Variants in CASP2 observed in about 807,000 individuals in gnomAD.
CASP2 encodes the protein caspase-2.
Under a neutral mutation model 54.4 loss-of-function variants are expected in CASP2, and 38 were observed. The observed-to-expected ratio is 0.70, with a 90% confidence interval of 0.54 to 0.92. The LOEUF is 0.92. CASP2 is among the 40% of genes least tolerant of loss of function. The pLI is 0.00. For missense variants in CASP2, 512 were observed against 579.6 expected, an observed-to-expected ratio of 0.88 and a Z score of 1.20; for synonymous variants, 215 against 216.3, an observed-to-expected ratio of 0.99 and a Z score of 0.05.
At chr7:143,300,860 C>T in intron 8 of CASP2, 1 of 1,131,626 alleles carries the variant, frequency 8.8e-7, no homozygotes, top group South Asian at 2.0e-5. Context: ...GCCCCTCTTT[C>T]TCTCATGCAG....
rs189584395 is a variant in CASP2, at chr7:143,297,508, G to A, written c.748-2415G>A. On this transcript the variant is annotated intron_variant, in intron 6 of 10. Coordinates refer to ENST00000310447, the MANE Select transcript of CASP2 (RefSeq NM_032982.4). ...GTTGCCCAGGCTAGAGTGCAATGGC[G>A]CGATCTGGGCTCATTGCAACCTCTG... Among the ~76,000 whole-genome samples the A allele has an allele frequency of 1.6e-4, 24 of 152,170 alleles. No homozygotes were observed. The East Asian group carries it at 3.5e-3, about 22-fold the overall frequency.
chr7:143,297,510 G>A (rs1348547461), intron 6 of CASP2, among the ~76,000 whole-genome samples: 2 of 152,096 alleles, frequency 1.3e-5, no homozygotes, highest in African/African-American at 2.4e-5. Context: ...GCAATGGCGC[G>A]ATCTGGGCTC....
chr7:143,305,261 A>C lies in CASP2; in HGVS notation c.*190A>C, dbSNP rs1266531039. The C allele has an allele frequency of 1.4e-6, 1 of 732,302 alleles. No homozygotes were observed. The highest frequency in any genetic ancestry group is 1.7e-5 in the African/African-American group (1 of 57,410). The allele number at this position is 732,302 out of a possible 1,614,324, so 45.4% of individuals were successfully genotyped here. On this transcript the variant is annotated 3_prime_UTR_variant, in exon 11 of 11. Coordinates refer to ENST00000310447, the MANE Select transcript of CASP2 (RefSeq NM_032982.4). ...ACTCCAGGCCAGCTCCTTTTCTGTG[A>C]AGCCCTTTGCCTGTAGAGCCAGCCT...
At chr7:143,301,464 A>G (rs552888496) in intron 8 of CASP2, 2 of 152,302 alleles carry the variant, frequency 1.3e-5, no homozygotes, top group African/African-American at 2.4e-5. Context: ...GTAAATATAC[A>G]TGAAGTAGCT....
intron 6 of CASP2, among the ~76,000 whole-genome samples, chr7:143,299,179 T>A (rs1257952876): frequency 6.6e-6 from 1 of 152,124 alleles, no homozygotes. Context: ...AAGTCCTTTG[T>A]CATAATATCT....
At chr7:143,304,916 G>C in intron 10 of CASP2, 24 bp from the exon 11 acceptor site, 1 of 1,614,112 alleles carries the variant, frequency 6.2e-7, no homozygotes. Flanking sequence ...CTCAGACTTG[G>C]GCCTATTGGT....
At position 143,299,821 on chromosome 7, in the gene CASP2, G is replaced by T. The variant is rs866068889; in HGVS notation, c.748-102G>T. Reference sequence around the variant, plus strand: ...TTGACCACAGGAATATACATAAAGCGTTTTATCTTCTAATAGCTTAGGGTT... The same window carrying T: ...TTGACCACAGGAATATACATAAAGCTTTTTATCTTCTAATAGCTTAGGGTT... On this transcript the variant is annotated intron_variant, in intron 6 of 10. Transcript: ENST00000310447. The T allele has an allele frequency of 1.3e-5, 17 of 1,332,132 alleles. No homozygotes were observed. In the African/African-American group the frequency reaches 2.0e-4, roughly 16 times the overall value. 82.5% of individuals were successfully genotyped at this position (1,332,132 alleles called of 1,614,324 possible). A position where few individuals can be genotyped will look rare whatever the true frequency, so the allele number is the denominator to read the frequency against.
chr7:143,297,959 CTCTT>C (rs1801805676), intron 6 of CASP2, among the ~76,000 whole-genome samples: 1 of 152,192 alleles, frequency 6.6e-6, no homozygotes, highest in African/African-American at 2.4e-5. Context: ...CAACACCAGT[CTCTT>C]TATTTCTAGT....
chr7:143,295,156 T>C (rs770628855), intron 6 of CASP2, among the ~76,000 whole-genome samples: 17 of 152,080 alleles, frequency 1.1e-4, no homozygotes, highest in Non-Finnish European at 2.4e-4. Flanking sequence ...GCTTCCTGAG[T>C]AGCTGGAACT....
Position 143,288,403 on chromosome 7 carries a change from G to C in CASP2, c.-53G>C. On this transcript the variant is annotated 5_prime_UTR_variant, in exon 1 of 11. Transcript: ENST00000310447. ...GGATGTGGGGGAAGCGACGGCCCCC[G>C]GTTTGTTTGGGCTGTGGGCGGTGCG... 5 of 1,575,236 alleles carry C rather than the reference G, an allele frequency of 3.2e-6. No individual in the cohort carries two copies. Among genetic ancestry groups the C allele is most frequent in the Non-Finnish European group, 4.4e-6 (5 of 1,148,566 alleles).
chr7:143,300,499 C>A, intron 8 of CASP2: 1 of 1,587,788 alleles, frequency 6.3e-7, no homozygotes, highest in Admixed American at 1.7e-5. Flanking sequence ...GGCTCTCAGG[C>A]TGGTCAGCTC....
At position 143,299,930 on chromosome 7, in the gene CASP2, A is replaced by C; in HGVS notation, c.755A>C (p.Gln252Pro). 13 of 1,614,186 alleles carry C rather than the reference A, an allele frequency of 8.1e-6. No homozygotes were observed. Among genetic ancestry groups the C allele is most frequent in the Non-Finnish European group, 1.0e-5 (12 of 1,180,026 alleles). The change falls in exon 7 of 11, where the codon CAA (glutamine) becomes CCA (proline). Residue 252 changes from glutamine to proline, a missense_variant. By Grantham distance (76) the Gln-to-Pro change is moderately conservative. This residue lies in a region of CASP2 where 417 missense variants were observed against 495.4 expected (regional missense o/e 0.84). Transcript: ENST00000310447. ...VLCDQTAQEM[Q>P]EKLQNFAQLP... is the part of the protein sequence containing the mutation. The stretch of plus-strand genomic sequence containing the variant: ...AACATTCCTTTCTTTTAGGAAATGC[A>C]AGAGAAACTGCAGAATTTTGCACAG...
intron 6 of CASP2, among the ~76,000 whole-genome samples, chr7:143,298,365 A>G (rs1563063871): frequency 6.6e-6 from 1 of 152,244 alleles, no homozygotes; most frequent in African/African-American, 2.4e-5. Flanking sequence ...AGACCCAGAC[A>G]TCGTGAATTA....
Position 143,304,796 on chromosome 7 carries a change from G to C in CASP2, c.1227+13G>C. On this transcript the variant is annotated intron_variant, in intron 10 of 10. Coordinates refer to ENST00000310447, the MANE Select transcript of CASP2 (RefSeq NM_032982.4). Reference sequence around the variant, plus strand: ...CATGCTGGTTAAGGTGAGCCAGCGGGCTCCGTGACCCCTGTGTGTCTCCAC... The same window carrying C: ...CATGCTGGTTAAGGTGAGCCAGCGGCCTCCGTGACCCCTGTGTGTCTCCAC... The C allele has an allele frequency of 6.2e-7, 1 of 1,610,404 alleles. No homozygotes were observed. Among genetic ancestry groups the C allele is most frequent in the Non-Finnish European group, 8.5e-7 (1 of 1,176,596 alleles).
chr7:143,307,045 C>G lies in CASP2; in HGVS notation c.*1974C>G, dbSNP rs1349950454. The G allele has an allele frequency of 1.3e-5, 2 of 152,340 alleles. No homozygotes were observed. The highest frequency in any genetic ancestry group is 2.1e-4 in the South Asian group (1 of 4,834). The allele number at this position is 152,340 out of a possible 1,614,324, so 9.4% of individuals were successfully genotyped here. A position where few individuals can be genotyped will look rare whatever the true frequency, so the allele number is the denominator to read the frequency against. On this transcript the variant is annotated 3_prime_UTR_variant, in exon 11 of 11. Coordinates refer to ENST00000310447, the MANE Select transcript of CASP2 (RefSeq NM_032982.4). The stretch of plus-strand genomic sequence containing the variant: ...TTCTCAGCTCTCCACCCCCACCACT[C>G]TTGACTCAGGTGGTGTCCTTCTTCC...
At position 143,299,031 on chromosome 7, in the gene CASP2, C is replaced by T. The variant is rs145856262; in HGVS notation, c.748-892C>T. Among the ~76,000 whole-genome samples, 435 of 152,026 alleles carry T rather than the reference C, an allele frequency of 2.9e-3. 3 individuals are homozygous for T. The highest frequency in any genetic ancestry group is 0.01 in the African/African-American group (421 of 41,490). On this transcript the variant is annotated intron_variant, in intron 6 of 10. Transcript: ENST00000310447. ...CTACAGTGCAGTGGTGCAGTCACAGCTCACTGCAGCCTCAACTTCCTAGGC... is the reference window on the plus strand; with the variant it reads ...CTACAGTGCAGTGGTGCAGTCACAGTTCACTGCAGCCTCAACTTCCTAGGC...
chr7:143,303,571 G>A (rs1801982716), intron 8 of CASP2: 1 of 496,352 alleles, frequency 2.0e-6, no homozygotes, highest in African/African-American at 1.9e-5. Flanking sequence ...GTGGTGCCCG[G>A]TGTGTATGAG....
At chr7:143,293,391 G>A (rs962721589) in intron 4 of CASP2, among the ~76,000 whole-genome samples, 7 of 152,206 alleles carry the variant, frequency 4.6e-5, no homozygotes, top group Admixed American at 1.3e-4. Flanking sequence ...GCCTCCCAAA[G>A]TGCTGGGATT....
chr7:143,301,433 C>G (rs1027727520), intron 8 of CASP2: 2 of 151,866 alleles, frequency 1.3e-5, no homozygotes, highest in African/African-American at 4.8e-5. Context: ...AAGGAGCAGA[C>G]CAGTTACTCA....
Sources: gnomAD v4.1 joint callset for allele counts (sites outside exome capture counted in the v4.1 genomes callset) on GRCh38, gnomAD v4.1.1 for gene constraint, gnomAD v4.1.1 regional missense constraint, MANE v1.5 for transcripts, NCBI Gene and HGNC (gene_info 2026-07-23, HGNC 2026-07-21) for gene names.